ZFP69B: variants seen among roughly 807,000 people sequenced by gnomAD.
ZFP69B encodes ZFP69 zinc finger protein B.
In ZFP69B, 20 loss-of-function variants were observed where a neutral mutation model predicts 19.7. That is an observed-to-expected ratio of 1.02 (90% CI 0.71 to 1.48). The LOEUF is 1.48. Among genes scored for constraint, ZFP69B ranks in the 40% most tolerant of loss-of-function variants. ZFP69B has a pLI of 0.00. For synonymous variants in ZFP69B, 220 were observed against 222.7 expected (o/e 0.99, Z 0.11); for missense variants, 583 against 632.6 (o/e 0.92, Z 0.84).
intron 2 of ZFP69B, among the ~76,000 whole-genome samples, chr1:40,455,497 C>T (rs1022039511): frequency 1.3e-5 from 2 of 152,150 alleles, no homozygotes; most frequent in South Asian, 2.1e-4. Context: ...ATTTACAATA[C>T]GAAACATTAA....
At chr1:40,457,098 G>C in intron 3 of ZFP69B, 27 bp downstream of exon 3, 1 of 1,584,260 alleles carries the variant, frequency 6.3e-7, no homozygotes, top group South Asian at 1.2e-5. Flanking sequence ...CTTGAAAATA[G>C]AACGTACCTA....
Position 40,463,288 on chromosome 1 carries a change from C to G in ZFP69B, c.1304C>G (p.Thr435Ser). 1.2e-6 allele frequency: 2 copies of G among 1,614,116 alleles called. No individual in the cohort carries two copies. Among genetic ancestry groups the G allele is most frequent in the Non-Finnish European group, 1.7e-6 (2 of 1,180,014 alleles). The part of the protein sequence containing the change: ...SKTFSHSTYL[T>S]QHQRTHTGER... ...ACCTTCAGCCATAGTACATACCTAACTCAACACCAGAGAACTCATACTGGA... is the reference window on the plus strand; with the variant it reads ...ACCTTCAGCCATAGTACATACCTAAGTCAACACCAGAGAACTCATACTGGA... The change falls in exon 5 of 5, where the codon ACT becomes AGT. Residue 435 changes from threonine (T) to serine (S), a missense_variant. Coordinates refer to ENST00000361584, the MANE Select transcript of ZFP69B (RefSeq NM_023070.3).
chr1:40,454,701 G>A (rs1645217339), intron 2 of ZFP69B, among the ~76,000 whole-genome samples: 1 of 152,128 alleles, frequency 6.6e-6, no homozygotes, highest in Non-Finnish European at 1.5e-5. Context: ...CCAGCCGATT[G>A]GCTTTTCTTA....
intron 4 of ZFP69B, among the ~76,000 whole-genome samples, chr1:40,460,324 T>C (rs1645269978): frequency 6.6e-6 from 1 of 152,150 alleles, no homozygotes; most frequent in African/African-American, 2.4e-5. Flanking sequence ...TGCAGTAGAA[T>C]GCAATGCAGT....
At chr1:40,456,015 A>G (rs1260813233) in intron 2 of ZFP69B, among the ~76,000 whole-genome samples, 1 of 152,182 alleles carries the variant, frequency 6.6e-6, no homozygotes, top group African/African-American at 2.4e-5. Flanking sequence ...ATTGATGGGC[A>G]TTTGGGTTGG....
At chr1:40,462,327 C>T (rs1037924437) in intron 4 of ZFP69B, 94 bp from the exon 5 acceptor site, 1 of 1,159,076 alleles carries the variant, frequency 8.6e-7, no homozygotes, top group Non-Finnish European at 1.2e-6. Flanking sequence ...ACTCCTGTAC[C>T]TAGTATATAT....
intron 1 of ZFP69B, among the ~76,000 whole-genome samples, chr1:40,453,369 C>T (rs187296348): frequency 7.5e-4 from 114 of 152,190 alleles, no homozygotes; most frequent in African/African-American, 2.5e-3. Context: ...GAGCAAGGTA[C>T]AGTTTCTATC....
chr1:40,461,249 T>C (rs576750455), intron 4 of ZFP69B, among the ~76,000 whole-genome samples: 1 of 151,928 alleles, frequency 6.6e-6, no homozygotes, highest in African/African-American at 2.4e-5. Flanking sequence ...TATGTACAAA[T>C]GCATACATTC....
chr1:40,460,325 G>A (rs1645270010), intron 4 of ZFP69B, among the ~76,000 whole-genome samples: 2 of 152,172 alleles, frequency 1.3e-5, no homozygotes, highest in African/African-American at 2.4e-5. Flanking sequence ...GCAGTAGAAT[G>A]CAATGCAGTT....
chr1:40,462,622 G>T lies in ZFP69B; in HGVS notation c.638G>T (p.Cys213Phe), dbSNP rs1271625769. Residue 213 changes from cysteine (C) to phenylalanine (F), a missense_variant, in exon 5 of 5, where the codon TGC becomes TTC. Cys to Phe is a radical substitution (Grantham distance 205). Coordinates refer to ENST00000361584, the MANE Select transcript of ZFP69B (RefSeq NM_023070.3). Reference sequence around the variant, plus strand: ...GGTAAGGGGCAAATCCCCCTGATGTGCAAGAAAACATTCACTCAGGAGAGA... The same window carrying T: ...GGTAAGGGGCAAATCCCCCTGATGTTCAAGAAAACATTCACTCAGGAGAGA... ...RMGKGQIPLM[C>F]KKTFTQERGQ... 4.8e-5 allele frequency: 77 copies of T among 1,613,802 alleles called. No homozygotes were observed. The highest frequency in any genetic ancestry group is 6.0e-5 in the Non-Finnish European group (71 of 1,179,964).
chr1:40,453,514 T>G (rs148745178), intron 1 of ZFP69B, among the ~76,000 whole-genome samples: 2 of 152,308 alleles, frequency 1.3e-5, no homozygotes, highest in East Asian at 3.9e-4. Flanking sequence ...ATTAAGGGTG[T>G]CTGGGAAAAC....
At chr1:40,458,054 C>G (rs1032782946) in intron 4 of ZFP69B, among the ~76,000 whole-genome samples, 1 of 152,150 alleles carries the variant, frequency 6.6e-6, no homozygotes, top group East Asian at 1.9e-4. Flanking sequence ...TACCTGGGTT[C>G]TCTGTGAATG....
chr1:40,452,565 C>T (rs1645195827), intron 1 of ZFP69B, among the ~76,000 whole-genome samples: 1 of 152,126 alleles, frequency 6.6e-6, no homozygotes, highest in Non-Finnish European at 1.5e-5. Context: ...AGGGGAAGTA[C>T]TTATTCTAGA....
chr1:40,461,890 C>T (rs982264025), intron 4 of ZFP69B, among the ~76,000 whole-genome samples: 1 of 152,064 alleles, frequency 6.6e-6, no homozygotes, highest in Admixed American at 6.6e-5. Flanking sequence ...GGATGAGCTC[C>T]TCCTAATTTC....
rs770074017 is a variant in ZFP69B, at chr1:40,463,323, TATAA to T, written c.1342_1345del (p.Lys448ValfsTer24). On this transcript the variant is annotated frameshift_variant, in exon 5 of 5. Transcript: ENST00000361584. LOFTEE classifies it low-confidence loss of function (END_TRUNC). ...GAGAACTCATACTGGAGAAAGACCATATAAATGTAAGGAATGTGGGAAAGCCTTT... is the reference window on the plus strand; with the variant it reads ...GAGAACTCATACTGGAGAAAGACCATATGTAAGGAATGTGGGAAAGCCTTT... 1 of 1,614,154 alleles carries T rather than the reference TATAA, an allele frequency of 6.2e-7. No homozygotes were observed. The highest frequency in any genetic ancestry group is 8.5e-7 in the Non-Finnish European group (1 of 1,180,034).
At chr1:40,456,687 C>G (rs1645236569) in intron 2 of ZFP69B, among the ~76,000 whole-genome samples, 1 of 152,240 alleles carries the variant, frequency 6.6e-6, no homozygotes, top group Non-Finnish European at 1.5e-5. Context: ...ATCAAAATTA[C>G]TGTACACTGT....
chr1:40,460,700 CA>C (rs1645274331), intron 4 of ZFP69B, among the ~76,000 whole-genome samples: 1 of 151,336 alleles, frequency 6.6e-6, no homozygotes, highest in Non-Finnish European at 1.5e-5. Context: ...CAAAAATTAG[CA>C]GCTGGGCGCA....
chr1:40,463,657 CAAAAATCCATTTGTTTTTGGATTTCCAAA>C lies in ZFP69B; in HGVS notation c.*71_*99del. The C allele has an allele frequency of 7.2e-7, 1 of 1,379,844 alleles. No individual in the cohort carries two copies. The highest frequency in any genetic ancestry group is 2.5e-5 in the Admixed American group (1 of 40,242). The allele number at this position is 1,379,844 out of a possible 1,614,324, so 85.5% of individuals were successfully genotyped here. A position where few individuals can be genotyped will look rare whatever the true frequency, so the allele number is the denominator to read the frequency against. On this transcript the variant is annotated 3_prime_UTR_variant, in exon 5 of 5. Transcript: ENST00000361584. ...CTAAATCAGTGGTTCCCTGATCCCT[CAAAAATCCATTTGTTTTTGGATTTCCAAA>C]AACGAACATTAAAAAAAAATGGTTT...
Position 40,451,050 on chromosome 1 carries a change from C to T in ZFP69B, c.89C>T (p.Ala30Val). Residue 30 changes from alanine to valine, a missense_variant, in exon 1 of 5, where the codon GCC becomes GTC. By Grantham distance (64) the Ala-to-Val change is moderately conservative. Transcript: ENST00000361584. ...CCAAAGGCGGCCACGGAGCGGGTGG[C>T]CCTGTGGGAGGATGTGACTAAGATG... ...RHPKAATERV[A>V]LWEDVTKMFK... The T allele has an allele frequency of 6.5e-7, 1 of 1,548,746 alleles. No homozygotes were observed. The highest frequency in any genetic ancestry group is 8.7e-7 in the Non-Finnish European group (1 of 1,145,824).
Sources: gnomAD v4.1 joint callset for allele counts (sites outside exome capture counted in the v4.1 genomes callset) on GRCh38, gnomAD v4.1.1 for gene constraint, MANE v1.5 for transcripts, NCBI Gene and HGNC (gene_info 2026-07-23, HGNC 2026-07-21) for gene names.